Variants in TRIM5 observed in about 807,000 individuals in gnomAD.
The protein encoded by TRIM5 is tripartite motif containing 5.
Under a neutral mutation model 35.6 loss-of-function variants are expected in TRIM5, and 31 were observed. The observed-to-expected ratio is 0.87, with a 90% CI of 0.65 to 1.18. The LOEUF (loss-of-function observed/expected upper bound fraction) is 1.18, where lower values mean the gene tolerates loss of function less well. TRIM5 is among the 50% of genes most tolerant of loss of function. TRIM5 has a pLI of 0.00. For synonymous variants in TRIM5, 243 were observed against 215.6 expected (o/e 1.13, Z -1.11); for missense variants, 609 against 591.6 (o/e 1.03, Z -0.31).
chr11:5,612,617 G>C, the TRIM5 span: 1 of 152,222 alleles, frequency 6.6e-6, no homozygotes, highest in African/African-American at 2.4e-5. Context: ...AACAGCTGTT[G>C]AGTGAGCTGC....
the TRIM5 span, among the ~76,000 whole-genome samples, chr11:5,654,421 A>G: frequency 6.6e-6 from 1 of 152,212 alleles, no homozygotes; most frequent in Non-Finnish European, 1.5e-5. Context: ...TGTATTCAAC[A>G]TCAGTACAGT....
At chr11:5,603,183 A>G in the TRIM5 span, 1 of 1,559,434 alleles carries the variant, frequency 6.4e-7, no homozygotes, top group Non-Finnish European at 8.7e-7. Flanking sequence ...CTGGGCAGTC[A>G]GTATTCCCTT....
At chr11:5,672,136 T>C (rs1851628894) in intron 4 of TRIM5, among the ~76,000 whole-genome samples, 1 of 152,096 alleles carries the variant, frequency 6.6e-6, no homozygotes, top group African/African-American at 2.4e-5. Context: ...TTTCTTCAAA[T>C]ATGAAGAAAA....
the TRIM5 span, among the ~76,000 whole-genome samples, chr11:5,608,847 ATTTT>A: frequency 2.9e-5 from 3 of 101,888 alleles, no homozygotes; most frequent in Non-Finnish European, 5.4e-5. Context: ...TTGCCCATAA[ATTTT>A]TTTTTTTTTT....
chr11:5,652,922 G>T, the TRIM5 span, among the ~76,000 whole-genome samples: 1 of 150,314 alleles, frequency 6.7e-6, no homozygotes, highest in African/African-American at 2.5e-5. Flanking sequence ...CGTGATCTCA[G>T]CTCACTGCAA....
the TRIM5 span, among the ~76,000 whole-genome samples, chr11:5,600,638 C>T: frequency 6.6e-6 from 1 of 152,164 alleles, no homozygotes; most frequent in South Asian, 2.1e-4. Context: ...ACCAGGTCCT[C>T]AAGATGGGGG....
chr11:5,640,249 T>C, the TRIM5 span, among the ~76,000 whole-genome samples: 19 of 152,202 alleles, frequency 1.2e-4, no homozygotes, highest in African/African-American at 4.6e-4. Context: ...ATGTTAGCTG[T>C]AGGTTTTTCA....
the TRIM5 span, among the ~76,000 whole-genome samples, chr11:5,655,257 C>A: frequency 6.6e-6 from 1 of 150,652 alleles, no homozygotes; most frequent in African/African-American, 2.4e-5. Context: ...GGTTGTAGAG[C>A]TGGGTGGGAA....
rs756596899 is a variant in TRIM5 at position 5,665,158 on chromosome 11, C to A, written c.1133G>T (p.Gly378Val). Residue 378 changes from glycine (G) to valine (V), a missense_variant, in exon 8 of 8, where the codon GGC becomes GTC. Transcript: ENST00000380034. ...ATTACACATTGCATCAGGTTGGAAGCCAGCACATACCCCCAGGATCCAAGC... is the reference window on the plus strand; with the variant it reads ...ATTACACATTGCATCAGGTTGGAAGACAGCACATACCCCCAGGATCCAAGC... Reference protein sequence around the residue: ...KTAWILGVCAGFQPDAMCNIE... With the variant: ...KTAWILGVCAVFQPDAMCNIE... 6.2e-7 allele frequency: 1 copy of A among 1,613,906 alleles called. No homozygotes were observed. Among genetic ancestry groups the A allele is most frequent in the Non-Finnish European group, 8.5e-7 (1 of 1,179,946 alleles).
the TRIM5 span, among the ~76,000 whole-genome samples, chr11:5,592,992 GA>G: frequency 1.3e-5 from 2 of 151,274 alleles, no homozygotes; most frequent in Admixed American, 1.3e-4. Context: ...AAGAAGGATG[GA>G]AAAAAGAGAG....
At chr11:5,637,366 A>C in the TRIM5 span, among the ~76,000 whole-genome samples, 1 of 152,276 alleles carries the variant, frequency 6.6e-6, no homozygotes, top group African/African-American at 2.4e-5. Flanking sequence ...TTCAACACTT[A>C]CTGCCAAAGA....
chr11:5,592,146 T>A, the TRIM5 span, among the ~76,000 whole-genome samples: 13 of 152,314 alleles, frequency 8.5e-5, no homozygotes, highest in Non-Finnish European at 1.3e-4. Flanking sequence ...AACAAAAAGC[T>A]ATATTTAAGT....
At chr11:5,640,077 C>T in the TRIM5 span, among the ~76,000 whole-genome samples, 1 of 152,126 alleles carries the variant, frequency 6.6e-6, no homozygotes, top group Non-Finnish European at 1.5e-5. Context: ...AAATCTTATT[C>T]ATTCTATCTA....
At chr11:5,599,261 C>CGAGA in the TRIM5 span, among the ~76,000 whole-genome samples, 25 of 152,208 alleles carry the variant, frequency 1.6e-4, no homozygotes, top group East Asian at 2.7e-3. Flanking sequence ...CAGTAGTTCT[C>CGAGA]CTTCAAGAGA....
At chr11:5,657,687 T>TA in the TRIM5 span, among the ~76,000 whole-genome samples, 2 of 130,418 alleles carry the variant, frequency 1.5e-5, no homozygotes, top group Admixed American at 8.9e-5. Context: ...TATATATATA[T>TA]TTATAATATA....
the TRIM5 span, among the ~76,000 whole-genome samples, chr11:5,608,930 A>G: frequency 2.3e-5 from 3 of 131,284 alleles, no homozygotes; most frequent in African/African-American, 9.0e-5. Context: ...GGCTCACTGC[A>G]CCTTCCTGCC....
the TRIM5 span, chr11:5,596,683 T>G: frequency 5.9e-6 from 4 of 672,990 alleles, no homozygotes; most frequent in African/African-American, 7.4e-5. Context: ...GACCTGTGGG[T>G]CCGTCCGTTC....
In TRIM5 at chr11:5,675,935, A is replaced by G. The variant is rs1851943812; in HGVS notation, c.744+2269T>C. On this transcript the variant is annotated intron_variant, in intron 4 of 7. Coordinates refer to ENST00000380034, the MANE Select transcript of TRIM5 (RefSeq NM_033034.3). ...TCTCATTGTTCAATTCCCACCTATG[A>G]GTGAGAATATGCGGTGTTTGATTTT... 3.6e-5 allele frequency among the ~76,000 whole-genome samples: 4 copies of G among 111,394 alleles called. No homozygotes were observed. The Admixed American group carries it at 3.8e-4, about 11-fold the overall frequency. 73.1% of individuals were successfully genotyped at this position (111,394 alleles called of 152,430 possible). A position where few individuals can be genotyped will look rare whatever the true frequency, so the allele number is the denominator to read the frequency against.
In TRIM5 at chr11:5,664,866, T is replaced by C. The variant is rs1851001754; in HGVS notation, c.1425A>G (p.Pro475=). 23 of 1,612,896 alleles carry C rather than the reference T, an allele frequency of 1.4e-5. No individual in the cohort carries two copies. The highest frequency in any genetic ancestry group is 5.3e-5 in the African/African-American group (4 of 74,874). Residue 475 remains proline, a synonymous_variant, in exon 8 of 8, where the codon CCA becomes CCG. Coordinates refer to ENST00000380034, the MANE Select transcript of TRIM5 (RefSeq NM_033034.3). ...SHCSFSQPVF[P]YLNPRKCGVP... ...CTCCACATTTTCTAGGATTTAAATA[T>C]GGAAATACAGGCTGAGAAAAAGAAC...
Sources: gnomAD v4.1 joint callset for allele counts (sites outside exome capture counted in the v4.1 genomes callset) on GRCh38, gnomAD v4.1.1 for gene constraint, MANE v1.5 for transcripts, NCBI Gene and HGNC (gene_info 2026-07-23, HGNC 2026-07-21) for gene names.